SLIT1: variants seen among roughly 807,000 people sequenced by gnomAD.
SLIT1 encodes slit guidance ligand 1.
SLIT1 carries 66 observed loss-of-function variants against 186.1 expected under a neutral mutation model. That is an observed-to-expected ratio of 0.35 (90% confidence interval 0.29 to 0.44). The LOEUF (loss-of-function observed/expected upper bound fraction) is 0.44. SLIT1 is among the 20% of genes least tolerant of loss of function. SLIT1 has a pLI of 1.00. For missense variants in SLIT1, 1,638 were observed against 2,037.4 expected (o/e 0.80, Z 3.77); for synonymous variants, 761 against 833.8 (o/e 0.91, Z 1.50).
intron 30 of SLIT1, among the ~76,000 whole-genome samples, chr10:97,012,470 G>T (rs74153744): frequency 2.0e-5 from 3 of 152,170 alleles, no homozygotes; most frequent in Non-Finnish European, 4.4e-5. Flanking sequence ...CGCACTCAAC[G>T]CTCCACTGTG....
At chr10:97,160,625 CA>C (rs1306350674) in intron 3 of SLIT1, among the ~76,000 whole-genome samples, 1 of 150,562 alleles carries the variant, frequency 6.6e-6, no homozygotes, top group Non-Finnish European at 1.5e-5. Context: ...AGACTTTGGC[CA>C]AAAAAAAGAG....
intron 4 of SLIT1, among the ~76,000 whole-genome samples, chr10:97,081,676 C>T (rs1849106432): frequency 6.6e-6 from 1 of 152,194 alleles, no homozygotes; most frequent in African/African-American, 2.4e-5. Context: ...GAATAAGACC[C>T]TAACAACTTT....
intron 1 of SLIT1, among the ~76,000 whole-genome samples, chr10:97,167,844 A>T (rs966599129): frequency 6.6e-6 from 1 of 152,204 alleles, no homozygotes; most frequent in Non-Finnish European, 1.5e-5. Context: ...GTTCTCCTGC[A>T]CTTCTCCTTG....
chr10:97,068,851 C>T lies in SLIT1; in HGVS notation c.414-2765G>A, dbSNP rs1233095107. ...CTACTCCCCAGAGGGCCCCCAGTGG[C>T]CTACTCCCCGATGCCTGTCTTTATG... is the stretch of plus-strand genomic sequence containing the variant. On this transcript the variant is annotated intron_variant, in intron 4 of 36. Transcript: ENST00000266058. The surrounding 1 kb of genome is among the most constrained non-coding windows in gnomAD (Gnocchi z 4.2). Among the ~76,000 whole-genome samples, 2 of 152,222 alleles carry T rather than the reference C, an allele frequency of 1.3e-5. No individual in the cohort carries two copies. The highest frequency in any genetic ancestry group is 2.9e-5 in the Non-Finnish European group (2 of 68,036).
intron 4 of SLIT1, among the ~76,000 whole-genome samples, chr10:97,138,790 T>A (rs1216473291): frequency 2.6e-5 from 4 of 152,236 alleles, no homozygotes; most frequent in South Asian, 2.1e-4. Context: ...AATTGATATG[T>A]GTGCATCTGT....
At chr10:97,175,541 A>G (rs1850245272) in intron 1 of SLIT1, among the ~76,000 whole-genome samples, 1 of 152,058 alleles carries the variant, frequency 6.6e-6, no homozygotes, top group African/African-American at 2.4e-5. Context: ...AACACTTGAT[A>G]TTTTCTGTTC....
At chr10:97,059,386 C>A (rs1848870621) in intron 11 of SLIT1, 74 bp downstream of exon 11, 2 of 1,252,522 alleles carry the variant, frequency 1.6e-6, no homozygotes, top group South Asian at 2.4e-5. Flanking sequence ...CTGCATCCAC[C>A]AGGACCCTGG....
intron 21 of SLIT1, among the ~76,000 whole-genome samples, chr10:97,038,650 C>G (rs1010711871): frequency 6.6e-6 from 1 of 152,150 alleles, no homozygotes; most frequent in Non-Finnish European, 1.5e-5. Flanking sequence ...CTGAGCCAAG[C>G]TGAGCTCCAG....
At chr10:97,065,137 T>TACAC (rs55991572) in intron 5 of SLIT1, among the ~76,000 whole-genome samples, 25 of 150,836 alleles carry the variant, frequency 1.7e-4, no homozygotes, top group African/African-American at 5.8e-4. Context: ...GGCACCCCCC[T>TACAC]ACACACACAC....
Position 97,002,994 on chromosome 10 carries a change from T to G in SLIT1, c.3866-2A>C, listed in dbSNP as rs745376374. On this transcript the variant is annotated splice_acceptor_variant, in intron 34 of 36. Coordinates refer to ENST00000266058, the MANE Select transcript of SLIT1 (RefSeq NM_003061.3). LOFTEE classifies it high-confidence loss of function. ...CTGAGTTGACATCCACGGGCATCCC[T>G]GGGGTAGGGGAGGGAGCAGAGCTGG... 6.2e-7 allele frequency: 1 copy of G among 1,612,302 alleles called. No individual in the cohort carries two copies. Among genetic ancestry groups the G allele is most frequent in the Non-Finnish European group, 8.5e-7 (1 of 1,178,790 alleles).
intron 35 of SLIT1, 52 bp downstream of exon 35, chr10:97,002,652 G>A (rs890320512): frequency 6.8e-7 from 1 of 1,481,162 alleles, no homozygotes; most frequent in Non-Finnish European, 9.0e-7. Context: ...CCTTCCCATG[G>A]GGAAGGAACA....
chr10:97,151,594 G>A (rs893324917), intron 4 of SLIT1, among the ~76,000 whole-genome samples: 4 of 151,970 alleles, frequency 2.6e-5, no homozygotes, highest in Non-Finnish European at 5.9e-5. Flanking sequence ...ATGGGTGGAG[G>A]GGGTGGATGG....
chr10:97,000,356 T>G lies in SLIT1; in HGVS notation c.*756A>C, dbSNP rs1027841871. 6.6e-6 allele frequency: 1 copy of G among 152,336 alleles called. No individual in the cohort carries two copies. Among genetic ancestry groups the G allele is most frequent in the Non-Finnish European group, 1.5e-5 (1 of 68,132 alleles). The allele number at this position is 152,336 out of a possible 1,614,324, so 9.4% of individuals were successfully genotyped here. A position where few individuals can be genotyped will look rare whatever the true frequency, so the allele number is the denominator to read the frequency against. On this transcript the variant is annotated 3_prime_UTR_variant, in exon 37 of 37. Transcript: ENST00000266058. Reference sequence around the variant, plus strand: ...AGAGCAAAGAACCCTCTGCCCTCTTTAGTGGGGTCTGCCACCCTGAGCAGC... The same window carrying G: ...AGAGCAAAGAACCCTCTGCCCTCTTGAGTGGGGTCTGCCACCCTGAGCAGC...
chr10:97,053,549 T>C (rs1452261583), intron 13 of SLIT1, among the ~76,000 whole-genome samples: 1 of 152,138 alleles, frequency 6.6e-6, no homozygotes, highest in Non-Finnish European at 1.5e-5. Context: ...CCCATGTAGA[T>C]GTTATCTGAT....
rs911060217 is a variant in SLIT1, at chr10:97,055,066, A to C, written c.1301+1255T>G. ...CCCCATCTCCATTAAAGATACAAAA[A>C]ATTAGCCAGGCGTGGTGACGGGCGC... On this transcript the variant is annotated intron_variant, in intron 13 of 36. Coordinates refer to ENST00000266058, the MANE Select transcript of SLIT1 (RefSeq NM_003061.3). Among the ~76,000 whole-genome samples, 63 of 152,054 alleles carry C rather than the reference A, an allele frequency of 4.1e-4. 1 individual carries two copies. The highest frequency in any genetic ancestry group is 7.4e-5 in the Non-Finnish European group (5 of 68,016).
In SLIT1 at chr10:97,040,130, A is replaced by G; in HGVS notation, c.2165-10T>C. 6.5e-7 allele frequency: 1 copy of G among 1,550,188 alleles called. No individual in the cohort carries two copies. The highest frequency in any genetic ancestry group is 1.2e-5 in the South Asian group (1 of 80,216). The stretch of plus-strand genomic sequence containing the variant: ...CCCCCCTCCTCCTGGCCTAGGGAAG[A>G]AGGCACGAAGCCCCTGTCAGGGAGG... On this transcript the variant is annotated splice_polypyrimidine_tract_variant and intron_variant, in intron 20 of 36. Coordinates refer to ENST00000266058, the MANE Select transcript of SLIT1 (RefSeq NM_003061.3).
chr10:97,137,695 C>G (rs953808994), intron 4 of SLIT1, among the ~76,000 whole-genome samples: 1 of 152,106 alleles, frequency 6.6e-6, no homozygotes, highest in African/African-American at 2.4e-5. Flanking sequence ...AAGTGATCCT[C>G]CCACCTCAGC....
At position 97,004,160 on chromosome 10, in the gene SLIT1, A is replaced by G. The variant is rs1415603189; in HGVS notation, c.3773T>C (p.Val1258Ala). The change falls in exon 34 of 37, where the codon GTG becomes GCG. Residue 1258 changes from valine to alanine, a missense_variant. Around this residue, in one of 3 missense-constraint regions of SLIT1, gnomAD observed 173 missense variants for 290.9 expected, o/e 0.59. Transcript: ENST00000266058. The surrounding 1 kb of genome is among the most constrained non-coding windows in gnomAD (Gnocchi z 5.1). ...TVELVAFDQM[V>A]NLSIDGGSPM... ...GCTCCCGCCATCAATGGAGAGATTC[A>G]CCATCTGGTCAAAGGCAACCAGCTC... 1.2e-6 allele frequency: 2 copies of G among 1,613,822 alleles called. No homozygotes were observed. The highest frequency in any genetic ancestry group is 2.2e-5 in the South Asian group (2 of 91,062).
intron 11 of SLIT1, among the ~76,000 whole-genome samples, chr10:97,059,042 G>A (rs1848866841): frequency 6.6e-6 from 1 of 152,218 alleles, no homozygotes; most frequent in Non-Finnish European, 1.5e-5. Context: ...GCAAGTTGTG[G>A]CAGATGTCAC....
Sources: gnomAD v4.1 joint callset for allele counts (sites outside exome capture counted in the v4.1 genomes callset) on GRCh38, gnomAD v4.1.1 for gene constraint, gnomAD v4.1.1 regional missense constraint, Gnocchi (gnomAD v3.1) non-coding constraint, MANE v1.5 for transcripts, NCBI Gene and HGNC (gene_info 2026-07-23, HGNC 2026-07-21) for gene names.